The following FAT3 variants were observed in gnomAD, a reference collection of about 807,000 sequenced individuals.
The protein encoded by FAT3 is protocadherin Fat 3.
Under a neutral mutation model 310.2 loss-of-function variants are expected in FAT3, and 95 were observed. That is an observed-to-expected ratio of 0.31 (90% confidence interval 0.26 to 0.36). The LOEUF (loss-of-function observed/expected upper bound fraction) is 0.36, where lower values mean the gene tolerates loss of function less well. FAT3 is among the 10% of genes least tolerant of loss of function. The probability of loss-of-function intolerance (pLI) is 1.00; values close to 1 mark genes in which losing one functional copy is unlikely to be tolerated. For synonymous variants in FAT3, 2,314 were observed against 2,192.9 expected, an observed-to-expected ratio of 1.06 and a Z score of -1.54; for missense variants, 5,408 against 5,715.6, an observed-to-expected ratio of 0.95 and a Z score of 1.74.
At position 92,891,258 on chromosome 11, in the gene FAT3, G is replaced by T; in HGVS notation, c.*145G>T. 1 of 1,110,738 alleles carries T rather than the reference G, an allele frequency of 9.0e-7. No homozygotes were observed. Among genetic ancestry groups the T allele is most frequent in the Non-Finnish European group, 1.3e-6 (1 of 796,910 alleles). 68.8% of individuals were successfully genotyped at this position (1,110,738 alleles called of 1,614,324 possible). A position where few individuals can be genotyped will look rare whatever the true frequency, so the allele number is the denominator to read the frequency against. ...TAGAAACTTCTTCACAAGTCATACTGTCCCAACAAGCAAGCTTGATTCCAG... is the reference window on the plus strand; with the variant it reads ...TAGAAACTTCTTCACAAGTCATACTTTCCCAACAAGCAAGCTTGATTCCAG... On this transcript the variant is annotated 3_prime_UTR_variant, in exon 28 of 28. Coordinates refer to ENST00000525166, the MANE Select transcript of FAT3 (RefSeq NM_001367949.2).
chr11:92,256,903 T>C (rs1286128323), intron 1 of FAT3, among the ~76,000 whole-genome samples: 1 of 152,074 alleles, frequency 6.6e-6, no homozygotes, highest in East Asian at 1.9e-4. Flanking sequence ...TTGACCACAA[T>C]TAGGCTGTAA....
chr11:92,836,689 T>C lies in FAT3; in HGVS notation c.10210T>C (p.Leu3404=). 2 of 1,613,366 alleles carry C rather than the reference T, an allele frequency of 1.2e-6. No homozygotes were observed. The highest frequency in any genetic ancestry group is 2.2e-5 in the East Asian group (1 of 44,818). Residue 3404 remains leucine (L), a synonymous_variant, in exon 16 of 28, where the codon TTG becomes CTG. Coordinates refer to ENST00000525166, the MANE Select transcript of FAT3 (RefSeq NM_001367949.2). The part of the protein sequence containing the change: ...VLGLVKVKKK[L]DRERVSGYSL... ...GGGACTTGTGAAAGTTAAGAAGAAA[T>C]TGGACCGGGAACGGGTAAGCTAGTT...
At chr11:92,225,968 C>T (rs542555997) in intron 1 of FAT3, among the ~76,000 whole-genome samples, 221 of 53,756 alleles carry the variant, frequency 4.1e-3, no homozygotes, top group Middle Eastern at 0.034. Flanking sequence ...GCGGGTCTGA[C>T]CATCCCCAGG....
At chr11:92,312,406 C>A (rs914892408) in intron 1 of FAT3, among the ~76,000 whole-genome samples, 1 of 152,154 alleles carries the variant, frequency 6.6e-6, no homozygotes, top group Admixed American at 6.5e-5. Context: ...ATTCTTCCTA[C>A]ATGTATATTA....
At chr11:92,239,014 A>G (rs1230891644) in intron 1 of FAT3, among the ~76,000 whole-genome samples, 1 of 152,126 alleles carries the variant, frequency 6.6e-6, no homozygotes, top group Non-Finnish European at 1.5e-5. Flanking sequence ...AGAGCTTTAC[A>G]TGTATTATCT....
intron 7 of FAT3, among the ~76,000 whole-genome samples, chr11:92,786,165 G>A (rs762895602): frequency 6.6e-6 from 1 of 152,130 alleles, no homozygotes; most frequent in African/African-American, 2.4e-5. Flanking sequence ...AACTCGATTA[G>A]CGATGTAAAT....
chr11:92,814,281 C>G (rs1565619395), intron 13 of FAT3, among the ~76,000 whole-genome samples: 1 of 152,214 alleles, frequency 6.6e-6, no homozygotes, highest in Non-Finnish European at 1.5e-5. Flanking sequence ...AATCTGAAAT[C>G]TGACTCTGTG....
chr11:92,400,679 T>C (rs1949993677), intron 2 of FAT3: 1 of 151,828 alleles, frequency 6.6e-6, no homozygotes, highest in South Asian at 2.1e-4. Flanking sequence ...ATTTAAATAC[T>C]AGATAAGTAA....
rs1346973772 is a variant in FAT3 at position 92,799,352 on chromosome 11, A to C, written c.6339A>C (p.Lys2113Asn). 1.2e-6 allele frequency: 2 copies of C among 1,613,896 alleles called. No individual in the cohort carries two copies. The highest frequency in any genetic ancestry group is 3.3e-5 in the Admixed American group (2 of 60,014). Reference protein sequence around the residue: ...IYQVTAIDKDKGPNGEVTYVL... With the variant: ...IYQVTAIDKDNGPNGEVTYVL... ...AGGTGACAGCCATTGACAAAGATAA[A>C]GGTCCAAATGGAGAAGTGACCTATG... Residue 2113 changes from lysine to asparagine, a missense_variant, in exon 10 of 28, where the codon AAA becomes AAC. Coordinates refer to ENST00000525166, the MANE Select transcript of FAT3 (RefSeq NM_001367949.2).
intron 4 of FAT3, among the ~76,000 whole-genome samples, chr11:92,721,651 TC>T (rs1297308552): frequency 6.6e-6 from 1 of 152,192 alleles, no homozygotes; most frequent in East Asian, 1.9e-4. Context: ...AAATGTTGTA[TC>T]CTTGATGCTC....
Position 92,834,140 on chromosome 11 carries a change from G to A in FAT3, c.9872-730G>A, listed in dbSNP as rs556855703. 5.3e-5 allele frequency among the ~76,000 whole-genome samples: 8 copies of A among 152,340 alleles called. No homozygotes were observed. The South Asian group carries it at 1.4e-3, about 28-fold the overall frequency. The stretch of plus-strand genomic sequence containing the variant: ...AATGCAGGATTGGGTTACCTCCCAA[G>A]AAAGGGCTAGGATGGGAAGGATATA... On this transcript the variant is annotated intron_variant, in intron 14 of 27. Transcript: ENST00000525166.
chr11:92,518,702 C>G (rs1392449759), intron 2 of FAT3, among the ~76,000 whole-genome samples: 2 of 151,580 alleles, frequency 1.3e-5, no homozygotes, highest in Non-Finnish European at 2.9e-5. Flanking sequence ...GTAAGTTTAA[C>G]AATGTTGTAG....
chr11:92,836,965 G>A (rs1370924626), intron 16 of FAT3, among the ~76,000 whole-genome samples: 1 of 152,124 alleles, frequency 6.6e-6, no homozygotes, highest in African/African-American at 2.4e-5. Flanking sequence ...GCCCTTCCTA[G>A]AGCAAAGGGA....
chr11:92,464,132 A>G (rs1951704485), intron 2 of FAT3, among the ~76,000 whole-genome samples: 1 of 152,164 alleles, frequency 6.6e-6, no homozygotes, highest in African/African-American at 2.4e-5. Flanking sequence ...TTTAATCAAG[A>G]ATAACACCTA....
rs1948655450 is a variant in FAT3 at position 92,354,102 on chromosome 11, C to T, written c.1990C>T (p.Pro664Ser). The change falls in exon 2 of 28, where the codon CCC becomes TCC. Residue 664 changes from proline to serine, a missense_variant. Physicochemically the swap from Pro to Ser is moderately conservative, Grantham distance 74. Coordinates refer to ENST00000525166, the MANE Select transcript of FAT3 (RefSeq NM_001367949.2). ...AACTGATGGAGAGAATCTTGCAGAC[C>T]CCATGTCTATTAACATTTCAGTCCT... is the stretch of plus-strand genomic sequence containing the variant. ...TATDGENLAD[P>S]MSINISVLHG... 6.2e-7 allele frequency: 1 copy of T among 1,613,662 alleles called. No individual in the cohort carries two copies. The highest frequency in any genetic ancestry group is 8.5e-7 in the Non-Finnish European group (1 of 1,179,804).
chr11:92,524,308 C>T (rs1953780390), intron 2 of FAT3, among the ~76,000 whole-genome samples: 1 of 151,910 alleles, frequency 6.6e-6, no homozygotes, highest in Non-Finnish European at 1.5e-5. Flanking sequence ...GACCCCTGGC[C>T]CAACCTCTTC....
intron 2 of FAT3, among the ~76,000 whole-genome samples, chr11:92,436,778 A>G (rs1473028308): frequency 6.6e-6 from 1 of 152,258 alleles, no homozygotes; most frequent in African/African-American, 2.4e-5. Context: ...TGACAGGCCC[A>G]CTTTGATATT....
intron 3 of FAT3, among the ~76,000 whole-genome samples, chr11:92,563,995 C>G (rs1194965259): frequency 1.3e-5 from 2 of 151,192 alleles, no homozygotes; most frequent in African/African-American, 4.9e-5. Context: ...GCAAAATAAC[C>G]AGCTAACATC....
rs778473915 is a variant in FAT3 at position 92,355,322 on chromosome 11, A to G, written c.3210A>G (p.Glu1070=). 1.9e-6 allele frequency: 3 copies of G among 1,613,834 alleles called. No homozygotes were observed. The South Asian group carries it at 3.3e-5, about 18-fold the overall frequency. The part of the protein sequence containing the change: ...TSVLQVTARD[E]DSGRDGEIQY... ...TGCTGCAGGTGACTGCTCGAGATGA[A>G]GACTCCGGAAGGGATGGAGAGATCC... The change falls in exon 2 of 28, where the codon GAA becomes GAG. Residue 1070 remains glutamate (E), a synonymous_variant. Transcript: ENST00000525166.
Sources: allele counts gnomAD v4.1 joint callset (sites outside exome capture counted in the v4.1 genomes callset), GRCh38; gene constraint gnomAD v4.1.1; transcripts MANE v1.5; gene names NCBI Gene and HGNC (gene_info 2026-07-23, HGNC 2026-07-21).